HDAC9: variants seen among roughly 807,000 people sequenced by gnomAD.
The protein encoded by HDAC9 is MEF-2 interacting transcription repressor (MITR) protein.
In HDAC9, 41 loss-of-function variants were observed where a neutral mutation model predicts 139.4. That is an observed-to-expected ratio of 0.29 (90% CI 0.23 to 0.38). HDAC9 has a LOEUF of 0.38. Ranked by LOEUF, HDAC9 falls within the 10% of genes least tolerant of loss-of-function variation. HDAC9 has a pLI of 1.00. For synonymous variants in HDAC9, 517 were observed against 476.2 expected, an observed-to-expected ratio of 1.09 and a Z score of -1.12; for missense variants, 1,147 against 1,297.0, an observed-to-expected ratio of 0.88 and a Z score of 1.78.
chr7:18,464,902 C>T (rs1794140261), intron 1 of HDAC9, among the ~76,000 whole-genome samples: 1 of 152,008 alleles, frequency 6.6e-6, no homozygotes, highest in Non-Finnish European at 1.5e-5. Flanking sequence ...TTTCTGAAAT[C>T]ACTAAACTTT....
At chr7:18,513,402 G>A (rs1802161367) in intron 2 of HDAC9, among the ~76,000 whole-genome samples, 4 of 152,178 alleles carry the variant, frequency 2.6e-5, no homozygotes, top group Admixed American at 2.6e-4. Flanking sequence ...AAAGAAGAAA[G>A]GTAGATAACT....
chr7:18,857,166 T>A (rs1377703020), intron 21 of HDAC9, among the ~76,000 whole-genome samples: 1 of 152,172 alleles, frequency 6.6e-6, no homozygotes, highest in Non-Finnish European at 1.5e-5. Flanking sequence ...TCTGGAAGTA[T>A]TTATTTTCTT....
intron 2 of HDAC9, among the ~76,000 whole-genome samples, chr7:18,208,703 G>A (rs898952037): frequency 2.6e-5 from 4 of 151,872 alleles, no homozygotes; most frequent in African/African-American, 9.7e-5. Flanking sequence ...TGTAAACAAA[G>A]TTATCATTGA....
intron 1 of HDAC9, among the ~76,000 whole-genome samples, chr7:18,414,724 T>G (rs1038008585): frequency 6.6e-6 from 1 of 152,196 alleles, no homozygotes; most frequent in African/African-American, 2.4e-5. Context: ...AACATTGTAA[T>G]GGTAGGCACA....
rs965352107 is a variant in HDAC9, at chr7:18,701,419, A to C, written c.1732-26161A>C. Among the ~76,000 whole-genome samples, 78 of 151,846 alleles carry C rather than the reference A, an allele frequency of 5.1e-4. 1 individual carries two copies. The highest frequency in any genetic ancestry group is 1.5e-3 in the East Asian group (8 of 5,180). ...ATTTAAAAAAAAACAAAACAAACAA[A>C]AAAAAAAAACACAACTGTACTATAG... On this transcript the variant is annotated intron_variant, in intron 12 of 25. Coordinates refer to ENST00000686413, the MANE Select transcript of HDAC9 (RefSeq NM_178425.4).
At chr7:18,488,479 T>G (rs1041988431) in intron 1 of HDAC9, among the ~76,000 whole-genome samples, 2 of 151,994 alleles carry the variant, frequency 1.3e-5, no homozygotes, top group African/African-American at 4.8e-5. Flanking sequence ...GTATAAAAAT[T>G]GTGTTATAAG....
At chr7:18,831,374 G>A (rs947795622) in intron 19 of HDAC9, among the ~76,000 whole-genome samples, 2 of 152,122 alleles carry the variant, frequency 1.3e-5, no homozygotes, top group Non-Finnish European at 2.9e-5. Context: ...ATACAGTATA[G>A]GAATAAAAGA....
rs1329161839 is a variant in HDAC9, at chr7:18,280,298, A to T, written c.25+117949A>T. On this transcript the variant is annotated intron_variant, in intron 2 of 12. Coordinates refer to the HDAC9 transcript ENST00000417496. ...GTGACTCCATCTCTACAAAAAAGTT[A>T]AAAATTAGCAGCTGGGTGCAGTAGC... is the stretch of plus-strand genomic sequence containing the variant. 2.0e-5 allele frequency among the ~76,000 whole-genome samples: 3 copies of T among 151,998 alleles called. 1 individual carries two copies. Among genetic ancestry groups the T allele is most frequent in the Admixed American group, 1.3e-4 (2 of 15,262 alleles).
intron 23 of HDAC9, 129 bp from the exon 24 acceptor site, chr7:18,954,017 G>C: frequency 4.5e-6 from 3 of 662,876 alleles, no homozygotes; most frequent in Non-Finnish European, 8.0e-6. Flanking sequence ...ACTAATATCA[G>C]CAAAATGTTA....
chr7:18,158,986 A>G (rs1378048548), intron 1 of HDAC9, among the ~76,000 whole-genome samples: 1 of 152,214 alleles, frequency 6.6e-6, no homozygotes, highest in Non-Finnish European at 1.5e-5. Flanking sequence ...TTTTGAAGCA[A>G]AGGACTCTTA....
In HDAC9 at chr7:18,522,587, G is replaced by T. The variant is rs1405311226; in HGVS notation, c.22+26263G>T. 2.7e-5 allele frequency among the ~76,000 whole-genome samples: 4 copies of T among 148,654 alleles called. No homozygotes were observed. In the South Asian group the frequency reaches 6.4e-4, roughly 24 times the overall value. ...ATACTGAAAAAAAAAAAGCAGGGTG[G>T]TTTTTTTAAAAAAAACAAAAAACAA... On this transcript the variant is annotated intron_variant, in intron 2 of 25. Coordinates refer to ENST00000686413, the MANE Select transcript of HDAC9 (RefSeq NM_178425.4).
intron 2 of HDAC9, among the ~76,000 whole-genome samples, chr7:18,230,154 C>CT (rs1793350231): frequency 1.3e-5 from 2 of 152,106 alleles, no homozygotes; most frequent in East Asian, 1.9e-4. Flanking sequence ...AAGTACTATA[C>CT]TTTTTCTGCC....
At chr7:18,927,025 A>G (rs1804293470) in intron 22 of HDAC9, among the ~76,000 whole-genome samples, 1 of 152,250 alleles carries the variant, frequency 6.6e-6, no homozygotes, top group African/African-American at 2.4e-5. Context: ...GTCCTGGGAC[A>G]TCAAATAAGT....
intron 16 of HDAC9, among the ~76,000 whole-genome samples, chr7:18,767,741 A>G (rs1789951000): frequency 2.0e-5 from 3 of 152,316 alleles, no homozygotes; most frequent in East Asian, 1.9e-4. Flanking sequence ...AAATGTCTAC[A>G]TTTTTGTAGA....
intron 1 of HDAC9, among the ~76,000 whole-genome samples, chr7:18,448,692 C>A (rs1001529414): frequency 6.6e-6 from 1 of 151,980 alleles, no homozygotes; most frequent in African/African-American, 2.4e-5. Flanking sequence ...GAAGAGACTC[C>A]TTTCAAAAAT....
intron 12 of HDAC9, among the ~76,000 whole-genome samples, chr7:18,706,556 T>C (rs1021181385): frequency 1.3e-5 from 2 of 152,190 alleles, no homozygotes; most frequent in Non-Finnish European, 2.9e-5. Context: ...GCAAAACTGA[T>C]AAACAAAGAA....
chr7:18,954,340 A>G (rs1162272850), intron 24 of HDAC9, 110 bp downstream of exon 24: 1 of 869,938 alleles, frequency 1.1e-6, no homozygotes. Context: ...TAATTTGCAC[A>G]TGCGTTCTTA....
chr7:18,908,843 T>C (rs1324097612), intron 22 of HDAC9, among the ~76,000 whole-genome samples: 1 of 152,138 alleles, frequency 6.6e-6, no homozygotes, highest in Non-Finnish European at 1.5e-5. Flanking sequence ...ATCTTGGCTA[T>C]TGTGAATAGT....
Position 18,666,414 on chromosome 7 carries a change from A to G in HDAC9, c.1669A>G (p.Ser557Gly). The change falls in exon 12 of 26, where the codon AGT becomes GGT. Residue 557 changes from serine to glycine, a missense_variant. Physicochemically the swap from Ser to Gly is moderately conservative, Grantham distance 56 (BLOSUM62 0). Coordinates refer to ENST00000686413, the MANE Select transcript of HDAC9 (RefSeq NM_178425.4). ...AVKVKEEPVD[S>G]DEDAQIQEME... ...GAAGGTCAAGGAGGAACCAGTGGAC[A>G]GTGATGAAGATGCTCAGATCCAGGA... The G allele has an allele frequency of 6.2e-7, 1 of 1,612,946 alleles. No homozygotes were observed. Among genetic ancestry groups the G allele is most frequent in the Non-Finnish European group, 8.5e-7 (1 of 1,179,424 alleles).
Sources: allele counts gnomAD v4.1 joint callset (sites outside exome capture counted in the v4.1 genomes callset), GRCh38; gene constraint gnomAD v4.1.1; transcripts MANE v1.5; gene names NCBI Gene and HGNC (gene_info 2026-07-23, HGNC 2026-07-21).